CHSY3: variants seen among roughly 807,000 people sequenced by gnomAD.
CHSY3 encodes the protein chondroitin sulfate synthase 3.
In CHSY3, 35 loss-of-function variants were observed where a neutral mutation model predicts 67.2. That is an observed-to-expected ratio of 0.52 (90% CI 0.40 to 0.69). CHSY3 has a LOEUF of 0.69. Among genes scored for constraint, CHSY3 ranks in the 30% least tolerant of loss-of-function variants. The pLI, the probability that CHSY3 is intolerant of heterozygous loss-of-function variation, is 0.00. For synonymous variants in CHSY3, 474 were observed against 434.7 expected (o/e 1.09, Z -1.12); for missense variants, 1,069 against 1,138.5 (o/e 0.94, Z 0.88).
chr5:130,054,288 GCCT>G (rs1339162161), intron 2 of CHSY3, among the ~76,000 whole-genome samples: 1 of 152,064 alleles, frequency 6.6e-6, no homozygotes, highest in Non-Finnish European at 1.5e-5. Flanking sequence ...TATGGATATA[GCCT>G]CCTATTTCCC....
At chr5:130,127,590 C>A (rs1327338009) in intron 2 of CHSY3, among the ~76,000 whole-genome samples, 1 of 152,160 alleles carries the variant, frequency 6.6e-6, no homozygotes, top group Non-Finnish European at 1.5e-5. Flanking sequence ...GATAAAGGCA[C>A]TTTGTTTTAT....
chr5:130,115,162 C>T (rs1192258582), intron 2 of CHSY3, among the ~76,000 whole-genome samples: 1 of 151,598 alleles, frequency 6.6e-6, no homozygotes, highest in African/African-American at 2.4e-5. Flanking sequence ...TGAAAGATTA[C>T]AGTATGAATG....
intron 2 of CHSY3, among the ~76,000 whole-genome samples, chr5:130,136,747 A>AT (rs1261057475): frequency 6.6e-6 from 1 of 152,102 alleles, no homozygotes; most frequent in Non-Finnish European, 1.5e-5. Flanking sequence ...AAAATTTTTG[A>AT]TTTTTTAATT....
At chr5:130,108,668 T>G (rs139066215) in intron 2 of CHSY3, among the ~76,000 whole-genome samples, 18 of 151,814 alleles carry the variant, frequency 1.2e-4, no homozygotes, top group African/African-American at 4.3e-4. Flanking sequence ...AATTTATTGG[T>G]TTTGATTTTA....
chr5:130,145,069 A>G (rs1373971015), intron 2 of CHSY3, among the ~76,000 whole-genome samples: 1 of 152,144 alleles, frequency 6.6e-6, no homozygotes. Context: ...ACTCACTATC[A>G]TGAGAACAGC....
chr5:130,145,092 G>A (rs1769031842), intron 2 of CHSY3, among the ~76,000 whole-genome samples: 1 of 152,078 alleles, frequency 6.6e-6, no homozygotes, highest in Admixed American at 6.6e-5. Context: ...CAAGGGGCTG[G>A]TGCTAAACCA....
At chr5:129,941,429 T>C (rs1761695761) in intron 2 of CHSY3, among the ~76,000 whole-genome samples, 1 of 152,150 alleles carries the variant, frequency 6.6e-6, no homozygotes, top group Admixed American at 6.5e-5. Flanking sequence ...TTTCAATTAG[T>C]AAGTAGCTTT....
chr5:130,016,717 GTAT>G (rs1273983814), intron 2 of CHSY3, among the ~76,000 whole-genome samples: 2 of 152,230 alleles, frequency 1.3e-5, no homozygotes, highest in East Asian at 3.9e-4. Context: ...CCAATTAGTG[GTAT>G]TATTAATCAA....
intron 2 of CHSY3, among the ~76,000 whole-genome samples, chr5:129,908,965 G>A (rs1254134772): frequency 5.9e-5 from 9 of 152,090 alleles, no homozygotes; most frequent in Admixed American, 5.9e-4. Flanking sequence ...CTGGAAAAAA[G>A]CAGAAGTTTA....
chr5:130,006,814 T>A (rs572685165), intron 2 of CHSY3, among the ~76,000 whole-genome samples: 1 of 152,208 alleles, frequency 6.6e-6, no homozygotes, highest in Admixed American at 6.5e-5. Flanking sequence ...AAAAAATTTA[T>A]CTAATCCCAT....
chr5:130,098,335 G>A (rs1767118936), intron 2 of CHSY3, among the ~76,000 whole-genome samples: 1 of 152,056 alleles, frequency 6.6e-6, no homozygotes, highest in South Asian at 2.1e-4. Flanking sequence ...CTATAACTTG[G>A]AAGGTATACA....
chr5:130,132,377 T>A (rs148576011), intron 2 of CHSY3, among the ~76,000 whole-genome samples: 76 of 152,290 alleles, frequency 5.0e-4, no homozygotes, highest in African/African-American at 1.6e-3. Context: ...GATGCCGAAC[T>A]GAACAAGTTA....
chr5:130,168,071 T>G (rs1175702089), intron 2 of CHSY3, among the ~76,000 whole-genome samples: 1 of 152,098 alleles, frequency 6.6e-6, no homozygotes, highest in Non-Finnish European at 1.5e-5. Context: ...TTTCTTTCCT[T>G]TAAGTAGTTG....
intron 1 of CHSY3, among the ~76,000 whole-genome samples, chr5:129,907,626 A>G (rs1581352371): frequency 6.6e-6 from 1 of 152,230 alleles, no homozygotes; most frequent in Non-Finnish European, 1.5e-5. Flanking sequence ...ATATGACTGA[A>G]GTTTAGTTAA....
chr5:130,179,327 TA>T (rs1249564144), intron 2 of CHSY3, among the ~76,000 whole-genome samples: 1 of 152,204 alleles, frequency 6.6e-6, no homozygotes, highest in Admixed American at 6.5e-5. Flanking sequence ...TCTTCTGTTT[TA>T]TTTTTTTTCC....
intron 2 of CHSY3, among the ~76,000 whole-genome samples, chr5:130,116,956 T>A (rs1213011714): frequency 2.6e-5 from 4 of 152,090 alleles, no homozygotes. Context: ...AAATGTGGCA[T>A]CATTTCAAAG....
chr5:129,942,252 G>A (rs943766264), intron 2 of CHSY3, among the ~76,000 whole-genome samples: 4 of 152,110 alleles, frequency 2.6e-5, no homozygotes, highest in Non-Finnish European at 5.9e-5. Flanking sequence ...TTGGAGTTAT[G>A]AGCCAGGAAG....
intron 2 of CHSY3, among the ~76,000 whole-genome samples, chr5:129,963,705 T>G (rs1762396694): frequency 6.6e-6 from 1 of 152,014 alleles, no homozygotes; most frequent in South Asian, 2.1e-4. Flanking sequence ...CATTTGAATG[T>G]TTCTTATGTC....
intron 2 of CHSY3, among the ~76,000 whole-genome samples, chr5:130,178,227 T>TTATA (rs1554088379): frequency 0.016 from 1,059 of 65,680 alleles, 50 homozygotes; most frequent in Middle Eastern, 0.047. Context: ...ATATTTATAT[T>TTATA]TATATATATA....
Sources: allele counts gnomAD v4.1 joint callset (sites outside exome capture counted in the v4.1 genomes callset), GRCh38; gene constraint gnomAD v4.1.1; transcripts MANE v1.5; gene names NCBI Gene and HGNC (gene_info 2026-07-23, HGNC 2026-07-21).